ABCA13: variants seen among roughly 807,000 people sequenced by gnomAD.
ABCA13 encodes ATP binding cassette subfamily A member 13, also known as ATP-binding cassette sub-family A member 13.
A neutral mutation model predicts 478.7 loss-of-function variants in ABCA13; 476 were observed. The observed-to-expected ratio is 0.99, with a 90% confidence interval of 0.92 to 1.07. ABCA13 has a LOEUF of 1.07. Ranked by LOEUF, ABCA13 falls within the 50% of genes least tolerant of loss-of-function variation. The pLI, the probability that ABCA13 is intolerant of heterozygous loss-of-function variation, is 0.00. For missense variants in ABCA13, 6,060 were observed against 5,910.6 expected, an observed-to-expected ratio of 1.03 and a Z score of -0.83; for synonymous variants, 2,252 against 2,158.9, an observed-to-expected ratio of 1.04 and a Z score of -1.20.
chr7:48,489,320 C>A lies in ABCA13; in HGVS notation c.13267C>A (p.Pro4423Thr). The change falls in exon 48 of 62, where the codon CCT (proline) becomes ACT (threonine). Residue 4423 changes from proline to threonine, a missense_variant. Coordinates refer to ENST00000435803, the MANE Select transcript of ABCA13 (RefSeq NM_152701.5). ...CCTTATTTTGTGGCAGCACCTACCC[C>A]CTACTGTGGACTGGAGACAATACGG... Reference protein sequence around the residue: ...NNLILWQHLPPTVDWRQYGIT... With the variant: ...NNLILWQHLPTTVDWRQYGIT... 1 of 1,610,470 alleles carries A rather than the reference C, an allele frequency of 6.2e-7. No individual in the cohort carries two copies. Among genetic ancestry groups the A allele is most frequent in the Non-Finnish European group, 8.5e-7 (1 of 1,177,252 alleles).
intron 31 of ABCA13, among the ~76,000 whole-genome samples, chr7:48,354,259 G>C (rs1330798132): frequency 6.6e-6 from 1 of 152,040 alleles, no homozygotes; most frequent in Non-Finnish European, 1.5e-5. Flanking sequence ...GTGCTTACGT[G>C]GATGGGAACA....
chr7:48,193,227 T>A lies in ABCA13; in HGVS notation c.163+175T>A, dbSNP rs149161491. Among the ~76,000 whole-genome samples the A allele has an allele frequency of 4.1e-4, 63 of 152,358 alleles. 2 individuals are homozygous for A. In the East Asian group the frequency reaches 8.7e-3, roughly 21 times the overall value. ...TGTCAATAAGCCACAATTTAGGTTTTGTCTTTTAAGAATGATATTCACACA... is the reference window on the plus strand; with the variant it reads ...TGTCAATAAGCCACAATTTAGGTTTAGTCTTTTAAGAATGATATTCACACA... On this transcript the variant is annotated intron_variant, in intron 2 of 61. Transcript: ENST00000435803.
At chr7:48,327,278 G>A (rs1203771968) in intron 27 of ABCA13, among the ~76,000 whole-genome samples, 2 of 152,148 alleles carry the variant, frequency 1.3e-5, no homozygotes, top group Non-Finnish European at 2.9e-5. Flanking sequence ...TGAACAAAGG[G>A]AGAAGTCCCT....
In ABCA13 at chr7:48,575,890, C is replaced by G. The variant is rs550536380; in HGVS notation, c.14355-4334C>G. Among the ~76,000 whole-genome samples the G allele has an allele frequency of 2.6e-5, 4 of 151,972 alleles. No individual in the cohort carries two copies. In the South Asian group the frequency reaches 8.3e-4, roughly 32 times the overall value. ...AGTACTAGAGAGACAGTCAGGGGACCCCCTACACCCATGGGTTCATATCCA... is the reference window on the plus strand; with the variant it reads ...AGTACTAGAGAGACAGTCAGGGGACGCCCTACACCCATGGGTTCATATCCA... On this transcript the variant is annotated intron_variant, in intron 55 of 61. Transcript: ENST00000435803.
chr7:48,419,389 T>C lies in ABCA13; in HGVS notation c.12459+6806T>C, dbSNP rs533210664. 1.7e-4 allele frequency among the ~76,000 whole-genome samples: 26 copies of C among 152,376 alleles called. 1 individual carries two copies. The South Asian group carries it at 5.4e-3, about 32-fold the overall frequency. On this transcript the variant is annotated intron_variant, in intron 41 of 61. Transcript: ENST00000435803. The stretch of plus-strand genomic sequence containing the variant: ...TCTTCCTCCTCTTTGCCCTCTTTTC[T>C]TAAAAAATTTATATTTATGTACTTC...
chr7:48,511,897 TA>T (rs1831717860), intron 51 of ABCA13, among the ~76,000 whole-genome samples: 1 of 152,174 alleles, frequency 6.6e-6, no homozygotes. Context: ...TGCTCTTATT[TA>T]AGAGGATTAC....
At chr7:48,260,188 G>T (rs569750668) in intron 15 of ABCA13, among the ~76,000 whole-genome samples, 1 of 152,160 alleles carries the variant, frequency 6.6e-6, no homozygotes, top group South Asian at 2.1e-4. Flanking sequence ...AAGACAATCT[G>T]ACTTTTTGAG....
chr7:48,622,183 G>A (rs1793204011), intron 59 of ABCA13, among the ~76,000 whole-genome samples: 1 of 152,174 alleles, frequency 6.6e-6, no homozygotes, highest in Non-Finnish European at 1.5e-5. Context: ...GGTTGTCACA[G>A]AGTGCTCCTC....
chr7:48,416,417 C>T (rs111678625), intron 41 of ABCA13, among the ~76,000 whole-genome samples: 222 of 152,212 alleles, frequency 1.5e-3, no homozygotes, highest in African/African-American at 5.1e-3. Flanking sequence ...TGCAGGGCCA[C>T]GGGGAGTGGT....
intron 27 of ABCA13, among the ~76,000 whole-genome samples, chr7:48,319,483 G>A (rs753417829): frequency 9.2e-5 from 14 of 152,146 alleles, no homozygotes; most frequent in African/African-American, 3.4e-4. Context: ...GCTGGGAGAC[G>A]CTTGTAGGTT....
intron 32 of ABCA13, among the ~76,000 whole-genome samples, chr7:48,368,310 A>C (rs949526822): frequency 6.6e-6 from 1 of 151,884 alleles, no homozygotes; most frequent in Non-Finnish European, 1.5e-5. Context: ...TCATAACTTA[A>C]ATTTTTTTAT....
chr7:48,259,292 G>A (rs1793838465), intron 15 of ABCA13, among the ~76,000 whole-genome samples: 1 of 152,116 alleles, frequency 6.6e-6, no homozygotes, highest in Non-Finnish European at 1.5e-5. Flanking sequence ...TCCTGTGTTG[G>A]ATGCATATAT....
In ABCA13 at chr7:48,273,831, A is replaced by C; in HGVS notation, c.4165A>C (p.Ser1389Arg). The C allele has an allele frequency of 6.2e-7, 1 of 1,611,140 alleles. No homozygotes were observed. Among genetic ancestry groups the C allele is most frequent in the South Asian group, 1.1e-5 (1 of 90,916 alleles). ...CACATTTTCCTCTGAGAACACAATTAGCAGTCTGAAAGGATGCATTGTATG... is the reference window on the plus strand; with the variant it reads ...CACATTTTCCTCTGAGAACACAATTCGCAGTCTGAAAGGATGCATTGTATG... Reference protein sequence around the residue: ...NSTFSSENTISSLKGCIVWLD... With the variant: ...NSTFSSENTIRSLKGCIVWLD... Residue 1389 changes from serine (S) to arginine (R), a missense_variant, in exon 17 of 62, where the codon AGC becomes CGC. Ser to Arg is a moderately radical substitution (Grantham distance 110). Transcript: ENST00000435803.
Position 48,455,247 on chromosome 7 carries a change from C to G in ABCA13, c.12776C>G (p.Thr4259Arg), listed in dbSNP as rs759902718. Residue 4259 changes from threonine to arginine, a missense_variant, in exon 43 of 62, where the codon ACA (threonine) becomes AGA (arginine). Around this residue, in one of 3 missense-constraint regions of ABCA13, gnomAD observed 1,627 missense variants for 1,571.0 expected, o/e 1.04. Transcript: ENST00000435803. ...ACCGAGTACCCTCCCCTCAGACTCACACCTGGACATTACCAGCGGGCCGAG... is the reference window on the plus strand; with the variant it reads ...ACCGAGTACCCTCCCCTCAGACTCAGACCTGGACATTACCAGCGGGCCGAG... ...LATEYPPLRL[T>R]PGHYQRAETY... 2 of 1,606,240 alleles carry G rather than the reference C, an allele frequency of 1.2e-6. No individual in the cohort carries two copies. The highest frequency in any genetic ancestry group is 1.7e-5 in the Admixed American group (1 of 59,312).
At chr7:48,447,815 A>G (rs1410167559) in intron 42 of ABCA13, among the ~76,000 whole-genome samples, 1 of 152,224 alleles carries the variant, frequency 6.6e-6, no homozygotes. Context: ...AGATATTGAG[A>G]TGAATTTAAA....
At chr7:48,370,054 T>C (rs1812393797) in intron 32 of ABCA13, among the ~76,000 whole-genome samples, 1 of 152,188 alleles carries the variant, frequency 6.6e-6, no homozygotes, top group Admixed American at 6.5e-5. Context: ...TTGCGTCATC[T>C]GTGATTTCTT....
At chr7:48,516,129 C>T (rs868499957) in intron 51 of ABCA13, among the ~76,000 whole-genome samples, 6 of 152,234 alleles carry the variant, frequency 3.9e-5, no homozygotes, top group Middle Eastern at 3.4e-3. Context: ...AATTGCTGGG[C>T]CAATAAAATT....
At chr7:48,194,955 T>C (rs376449951) in intron 2 of ABCA13, among the ~76,000 whole-genome samples, 14 of 152,224 alleles carry the variant, frequency 9.2e-5, no homozygotes, top group African/African-American at 3.1e-4. Context: ...CAGAGCTCAC[T>C]GTAGGGCCAG....
chr7:48,464,999 A>T (rs1449308600), intron 43 of ABCA13, among the ~76,000 whole-genome samples: 2 of 152,090 alleles, frequency 1.3e-5, no homozygotes, highest in African/African-American at 4.8e-5. Context: ...GATATTGGAG[A>T]TACCGAGACA....
Sources: gnomAD v4.1 joint callset for allele counts (sites outside exome capture counted in the v4.1 genomes callset) on GRCh38, gnomAD v4.1.1 for gene constraint, gnomAD v4.1.1 regional missense constraint, MANE v1.5 for transcripts, NCBI Gene and HGNC (gene_info 2026-07-23, HGNC 2026-07-21) for gene names.